SEM1: variants seen among roughly 807,000 people sequenced by gnomAD.
SEM1 encodes the protein 26S proteasome complex subunit SEM1.
A neutral mutation model predicts 12.7 loss-of-function variants in SEM1; 3 were observed. The observed-to-expected ratio is 0.24, with a 90% CI of 0.11 to 0.61. SEM1 has a LOEUF of 0.61. SEM1 is among the 20% of genes least tolerant of loss of function. The pLI, the probability that SEM1 is intolerant of heterozygous loss-of-function variation, is 0.88. For missense variants in SEM1, 59 were observed against 81.3 expected (o/e 0.73, Z 1.06); for synonymous variants, 30 against 27.8 (o/e 1.08, Z -0.25).
At chr7:96,509,854 A>G (rs1206171453) in intron 2 of SEM1, among the ~76,000 whole-genome samples, 4 of 150,850 alleles carry the variant, frequency 2.7e-5, no homozygotes, top group Non-Finnish European at 4.4e-5. Flanking sequence ...AGGCAAATTC[A>G]TAGAGACAGA....
chr7:96,526,426 C>A (rs1804466224), intron 2 of SEM1, among the ~76,000 whole-genome samples: 1 of 151,960 alleles, frequency 6.6e-6, no homozygotes, highest in African/African-American at 2.4e-5. Flanking sequence ...GTACAAGATT[C>A]CCAGTTTACA....
intron 2 of SEM1, among the ~76,000 whole-genome samples, chr7:96,548,725 A>G (rs1445797902): frequency 6.6e-6 from 1 of 152,146 alleles, no homozygotes; most frequent in Non-Finnish European, 1.5e-5. Context: ...GAGCACAGGT[A>G]CTTTCCCCGT....
chr7:96,631,377 A>G (rs993723996), intron 2 of SEM1, among the ~76,000 whole-genome samples: 1 of 152,072 alleles, frequency 6.6e-6, no homozygotes, highest in Admixed American at 6.5e-5. Flanking sequence ...AGTTTCATCC[A>G]GTTTTTTTCT....
At chr7:96,528,797 G>A (rs1298163338) in intron 2 of SEM1, among the ~76,000 whole-genome samples, 3 of 152,032 alleles carry the variant, frequency 2.0e-5, no homozygotes, top group African/African-American at 4.8e-5. Context: ...ACATATTAAA[G>A]TGCTAGAGTA....
intron 2 of SEM1, among the ~76,000 whole-genome samples, chr7:96,519,779 T>C (rs1179810969): frequency 1.3e-5 from 2 of 152,034 alleles, no homozygotes; most frequent in African/African-American, 4.8e-5. Flanking sequence ...TAAAGGTGTG[T>C]ATAGGTACAC....
downstream of SEM1, among the ~76,000 whole-genome samples, chr7:96,684,880 G>A (rs1184113028): frequency 6.6e-6 from 1 of 152,054 alleles, no homozygotes; most frequent in Non-Finnish European, 1.5e-5. Context: ...TGACACTGGT[G>A]AGATTACTAA....
intron 2 of SEM1, among the ~76,000 whole-genome samples, chr7:96,584,174 A>C (rs1320297898): frequency 1.3e-5 from 2 of 151,958 alleles, no homozygotes; most frequent in Non-Finnish European, 2.9e-5. Context: ...TGGTGACAAA[A>C]TCTGTCAGCA....
chr7:96,599,599 C>G (rs1214131451), intron 2 of SEM1, among the ~76,000 whole-genome samples: 2 of 152,168 alleles, frequency 1.3e-5, no homozygotes, highest in African/African-American at 4.8e-5. Flanking sequence ...ATTAAGTTAT[C>G]TTTCTGACAA....
In SEM1 at chr7:96,591,541, A is replaced by G. The variant is rs76382010; in HGVS notation, c.171-84843T>C. Among the ~76,000 whole-genome samples, 1,478 of 152,156 alleles carry G rather than the reference A, an allele frequency of 9.7e-3. 33 individuals carry two copies. Among genetic ancestry groups the G allele is most frequent in the African/African-American group, 0.034 (1,408 of 41,478 alleles). On this transcript the variant is annotated intron_variant and NMD_transcript_variant, in intron 2 of 3. Coordinates refer to the SEM1 transcript ENST00000466986. The stretch of plus-strand genomic sequence containing the variant: ...GTACTTTAAAAAGTTACTTAGCAAC[A>G]ATATAGCTAGCTCTACACATGCACT...
intron 2 of SEM1, among the ~76,000 whole-genome samples, chr7:96,539,218 C>A (rs571245681): frequency 2.0e-5 from 3 of 151,864 alleles, no homozygotes; most frequent in South Asian, 4.1e-4. Context: ...AGACTCTGGG[C>A]TAACACCTTG....
At chr7:96,646,300 A>T (rs576659286) in intron 2 of SEM1, among the ~76,000 whole-genome samples, 2 of 152,324 alleles carry the variant, frequency 1.3e-5, no homozygotes, top group East Asian at 3.9e-4. Flanking sequence ...AAAGCCTGAA[A>T]TATTTACTAT....
rs534525415 is a variant in SEM1, at chr7:96,580,981, T to C, written c.171-74283A>G. On this transcript the variant is annotated intron_variant and NMD_transcript_variant, in intron 2 of 3. Coordinates refer to the SEM1 transcript ENST00000466986. Reference sequence around the variant, plus strand: ...AGAAGCTCTTTAGTTTAATTAGATCTCATTTGTCAATTTTGTCTTTTGTTG... The same window carrying C: ...AGAAGCTCTTTAGTTTAATTAGATCCCATTTGTCAATTTTGTCTTTTGTTG... 5.1e-3 allele frequency among the ~76,000 whole-genome samples: 771 copies of C among 152,246 alleles called. 5 individuals carry two copies. Among genetic ancestry groups the C allele is most frequent in the African/African-American group, 0.017 (711 of 41,540 alleles).
chr7:96,514,958 A>G (rs923064238), intron 2 of SEM1, among the ~76,000 whole-genome samples: 2 of 152,138 alleles, frequency 1.3e-5, no homozygotes, highest in African/African-American at 4.8e-5. Flanking sequence ...ACAACACAAT[A>G]TTGACGGAGA....
chr7:96,540,414 A>T (rs2115774388), intron 2 of SEM1, among the ~76,000 whole-genome samples: 1 of 151,986 alleles, frequency 6.6e-6, no homozygotes, highest in Non-Finnish European at 1.5e-5. Context: ...ATAAAATGGC[A>T]TTCTGTTAAT....
At chr7:96,645,866 G>A (rs55947162) in intron 2 of SEM1, 6,285 of 398,416 alleles carry the variant, frequency 0.016, 68 homozygotes, top group Non-Finnish European at 0.021. Flanking sequence ...TGGACTCTGG[G>A]AATGGAGGTG....
chr7:96,549,363 G>A (rs1306077632), intron 2 of SEM1, among the ~76,000 whole-genome samples: 1 of 152,188 alleles, frequency 6.6e-6, no homozygotes, highest in Non-Finnish European at 1.5e-5. Context: ...CGGAGGACTT[G>A]GGGCCTTTGA....
At chr7:96,608,546 T>C (rs1251608745) in intron 2 of SEM1, among the ~76,000 whole-genome samples, 1 of 152,182 alleles carries the variant, frequency 6.6e-6, no homozygotes, top group Non-Finnish European at 1.5e-5. Context: ...CATAATCCCA[T>C]AAAGAAGCCT....
upstream of SEM1, among the ~76,000 whole-genome samples, chr7:96,501,080 A>G (rs1206724798): frequency 5.3e-5 from 8 of 152,122 alleles, no homozygotes. Flanking sequence ...ATATCGTGAC[A>G]AGTTGGAATC....
intron 2 of SEM1, among the ~76,000 whole-genome samples, chr7:96,694,173 A>C (rs1392201768): frequency 6.6e-6 from 1 of 151,978 alleles, no homozygotes; most frequent in Non-Finnish European, 1.5e-5. Flanking sequence ...GCAGATCAGC[A>C]GCGGCCAGGG....
Sources: gnomAD v4.1 joint callset for allele counts (sites outside exome capture counted in the v4.1 genomes callset) on GRCh38, gnomAD v4.1.1 for gene constraint, MANE v1.5 for transcripts, NCBI Gene and HGNC (gene_info 2026-07-23, HGNC 2026-07-21) for gene names.